The following ARMH4 variants were observed in gnomAD, a reference collection of about 807,000 sequenced individuals.
ARMH4 encodes the protein armadillo like helical domain containing 4, also known as armadillo-like helical domain-containing protein 4.
In ARMH4, 49 loss-of-function variants were observed where a neutral mutation model predicts 61.9. The ratio of observed to expected loss-of-function variants is 0.79; its 90% CI spans 0.63 to 1.00. The LOEUF (loss-of-function observed/expected upper bound fraction) is 1.00, where lower values mean the gene tolerates loss of function less well. Ranked by LOEUF, ARMH4 falls within the 50% of genes least tolerant of loss-of-function variation. The pLI is 0.00. For synonymous variants in ARMH4, 368 were observed against 341.5 expected (o/e 1.08, Z -0.85); for missense variants, 934 against 930.0 (o/e 1.00, Z -0.06).
intron 5 of ARMH4, among the ~76,000 whole-genome samples, chr14:58,040,492 T>C (rs997381590): frequency 5.6e-4 from 86 of 152,216 alleles, no homozygotes; most frequent in Admixed American, 5.6e-3. Flanking sequence ...AAGGACATTA[T>C]CTTGTTCTTC....
In ARMH4 at chr14:58,138,622, T is replaced by C. The variant is rs760965509; in HGVS notation, c.737A>G (p.Glu246Gly). 6.2e-7 allele frequency: 1 copy of C among 1,614,204 alleles called. No individual in the cohort carries two copies. Among genetic ancestry groups the C allele is most frequent in the Non-Finnish European group, 8.5e-7 (1 of 1,180,032 alleles). The change falls in exon 2 of 8, where the codon GAG becomes GGG. Residue 246 changes from glutamate to glycine, a missense_variant. Coordinates refer to ENST00000267485, the MANE Select transcript of ARMH4 (RefSeq NM_001001872.4). ...CTTATCAGGGGTGAGGCTTCCAGGC[T>C]CACTGCCTGCTGTGGACTCAGCACC... ...FPGAESTAGS[E>G]PGSLTPDKEK...
chr14:58,065,687 C>G (rs1466600633), intron 5 of ARMH4, among the ~76,000 whole-genome samples: 1 of 152,248 alleles, frequency 6.6e-6, no homozygotes, highest in Non-Finnish European at 1.5e-5. Flanking sequence ...ATCTCTTCCT[C>G]TTAGGTGTGG....
chr14:58,122,102 C>T (rs1268744642), intron 4 of ARMH4, among the ~76,000 whole-genome samples: 4 of 152,162 alleles, frequency 2.6e-5, no homozygotes, highest in Admixed American at 6.5e-5. Context: ...AGCCAATACT[C>T]GTGCCCATTC....
At chr14:58,062,004 G>A (rs1700439088) in intron 5 of ARMH4, among the ~76,000 whole-genome samples, 1 of 151,716 alleles carries the variant, frequency 6.6e-6, no homozygotes, top group African/African-American at 2.4e-5. Flanking sequence ...ACAAAAACAG[G>A]GGCTCAGAAA....
intron 2 of ARMH4, among the ~76,000 whole-genome samples, chr14:58,136,173 T>C (rs1672901032): frequency 6.6e-6 from 1 of 152,180 alleles, no homozygotes; most frequent in Non-Finnish European, 1.5e-5. Flanking sequence ...TAGTGGCCTT[T>C]TAAAAGATTA....
chr14:58,057,569 T>C (rs1047830388), intron 5 of ARMH4, among the ~76,000 whole-genome samples: 1 of 132,736 alleles, frequency 7.5e-6, no homozygotes, highest in African/African-American at 3.5e-5. Context: ...TGTGTGTGTG[T>C]CTGTGTGTGT....
At chr14:58,130,496 G>A (rs1284340479) in intron 4 of ARMH4, among the ~76,000 whole-genome samples, 1 of 152,194 alleles carries the variant, frequency 6.6e-6, no homozygotes, top group Non-Finnish European at 1.5e-5. Context: ...CAGTGTTCCA[G>A]ATTAGTTTAA....
In ARMH4 at chr14:58,004,363, G is replaced by A. The variant is rs1476581502; in HGVS notation, c.*373C>T. On this transcript the variant is annotated 3_prime_UTR_variant, in exon 8 of 8. Coordinates refer to ENST00000267485, the MANE Select transcript of ARMH4 (RefSeq NM_001001872.4). ...ATATCTCAGAGTCAAGCATGCCTTG[G>A]TGGCAACAATCATTATTCTCAATGC... 6.1e-6 allele frequency: 1 copy of A among 163,352 alleles called. No homozygotes were observed. The highest frequency in any genetic ancestry group is 2.4e-5 in the African/African-American group (1 of 41,746). 10.1% of individuals were successfully genotyped at this position (163,352 alleles called of 1,614,324 possible).
At chr14:58,120,978 G>A (rs1332012250) in intron 4 of ARMH4, among the ~76,000 whole-genome samples, 2 of 152,050 alleles carry the variant, frequency 1.3e-5, no homozygotes, top group Non-Finnish European at 2.9e-5. Context: ...CGATATACAG[G>A]GTTAAATAAA....
At chr14:58,088,350 T>C (rs1318634003) in intron 5 of ARMH4, among the ~76,000 whole-genome samples, 1 of 152,164 alleles carries the variant, frequency 6.6e-6, no homozygotes, top group Non-Finnish European at 1.5e-5. Context: ...CATCCTCTTA[T>C]GTGTTCATTT....
chr14:58,086,736 T>C (rs1476690256), intron 5 of ARMH4, among the ~76,000 whole-genome samples: 1 of 152,004 alleles, frequency 6.6e-6, no homozygotes, highest in Non-Finnish European at 1.5e-5. Flanking sequence ...CCCAAAAAAA[T>C]AAGCAAAATG....
At chr14:58,069,789 A>G (rs968620487) in intron 5 of ARMH4, among the ~76,000 whole-genome samples, 9 of 152,228 alleles carry the variant, frequency 5.9e-5, no homozygotes, top group Non-Finnish European at 1.0e-4. Context: ...AAATGGGACC[A>G]TGCTGTCTTA....
rs2141280196 is a variant in ARMH4 at position 58,106,644 on chromosome 14, A to T, written c.1832-9663T>A. Among the ~76,000 whole-genome samples, 5 of 152,338 alleles carry T rather than the reference A, an allele frequency of 3.3e-5. No homozygotes were observed. In the Middle Eastern group the frequency reaches 0.017, roughly 518 times the overall value. On this transcript the variant is annotated intron_variant, in intron 4 of 7. Coordinates refer to ENST00000267485, the MANE Select transcript of ARMH4 (RefSeq NM_001001872.4). ...GGCAGATCTCTGACAATCTCTTAACAGCTGTTCAAAGCCCACGACGATACT... is the reference window on the plus strand; with the variant it reads ...GGCAGATCTCTGACAATCTCTTAACTGCTGTTCAAAGCCCACGACGATACT...
chr14:58,094,425 T>C lies in ARMH4; in HGVS notation c.2089+2299A>G, dbSNP rs981933191. Among the ~76,000 whole-genome samples the C allele has an allele frequency of 2.6e-5, 4 of 151,936 alleles. No homozygotes were observed. The East Asian group carries it at 7.7e-4, about 29-fold the overall frequency. ...AGCTTTTTGTCCTAAGCCTCAAGCCTGACAAGCCTTAAAATTTAACTGCTA... is the reference window on the plus strand; with the variant it reads ...AGCTTTTTGTCCTAAGCCTCAAGCCCGACAAGCCTTAAAATTTAACTGCTA... On this transcript the variant is annotated intron_variant, in intron 5 of 7. Transcript: ENST00000267485.
At chr14:58,140,999 T>TC (rs1486794996) in intron 1 of ARMH4, among the ~76,000 whole-genome samples, 1 of 152,114 alleles carries the variant, frequency 6.6e-6, no homozygotes, top group Non-Finnish European at 1.5e-5. Context: ...AAGTGGGCCC[T>TC]ACCCAGACAC....
At chr14:58,025,575 G>A (rs952055902) in intron 5 of ARMH4, among the ~76,000 whole-genome samples, 2 of 152,042 alleles carry the variant, frequency 1.3e-5, no homozygotes, top group Admixed American at 6.6e-5. Context: ...GAAATAAATG[G>A]AGACCAGCTC....
At position 58,126,646 on chromosome 14, in the gene ARMH4, G is replaced by A. The variant is rs150476798; in HGVS notation, c.1831+4866C>T. 3.7e-4 allele frequency among the ~76,000 whole-genome samples: 56 copies of A among 151,988 alleles called. 1 individual carries two copies. The highest frequency in any genetic ancestry group is 1.3e-3 in the African/African-American group (52 of 41,432). Reference sequence around the variant, plus strand: ...TGGCTGGGAAAAAAATGTCAAAAACGCAATCATTTAAAAACTAAATATAAA... The same window carrying A: ...TGGCTGGGAAAAAAATGTCAAAAACACAATCATTTAAAAACTAAATATAAA... On this transcript the variant is annotated intron_variant, in intron 4 of 7. Transcript: ENST00000267485.
intron 4 of ARMH4, among the ~76,000 whole-genome samples, chr14:58,103,526 A>C (rs535220877): frequency 2.5e-4 from 36 of 145,680 alleles, no homozygotes; most frequent in East Asian, 7.9e-4. Flanking sequence ...CGCCCCCCCC[A>C]AAAAAAAACC....
intron 5 of ARMH4, among the ~76,000 whole-genome samples, chr14:58,048,943 T>A (rs1025035929): frequency 5.9e-5 from 9 of 151,378 alleles, no homozygotes; most frequent in Admixed American, 3.9e-4. Context: ...TTAAGAAAAA[T>A]GAAAGAAAAA....
Sources: allele counts gnomAD v4.1 joint callset (sites outside exome capture counted in the v4.1 genomes callset), GRCh38; gene constraint gnomAD v4.1.1; transcripts MANE v1.5; gene names NCBI Gene and HGNC (gene_info 2026-07-23, HGNC 2026-07-21).